ANXA6: variants seen among roughly 807,000 people sequenced by gnomAD.
ANXA6 encodes 67 kDa calelectrin.
A neutral mutation model predicts 95.4 loss-of-function variants in ANXA6; 71 were observed. That is an observed-to-expected ratio of 0.74 (90% CI 0.61 to 0.91). ANXA6 has a LOEUF of 0.91. ANXA6 is among the 40% of genes least tolerant of loss of function. The pLI is 0.00. For synonymous variants in ANXA6, 289 were observed against 315.9 expected (o/e 0.91, Z 0.90); for missense variants, 830 against 876.4 (o/e 0.95, Z 0.67).
intron 1 of ANXA6, among the ~76,000 whole-genome samples, chr5:151,150,291 G>A (rs569944318): frequency 2.4e-4 from 36 of 152,224 alleles, no homozygotes; most frequent in Admixed American, 2.1e-3. Context: ...CCATGTGACC[G>A]TGGGCTTATT....
rs578098716 is a variant in ANXA6, at chr5:151,117,154, G to C, written c.1545C>G (p.Asn515Lys). ...ATGHREEGGE[N>K]LDQAREDAQV... Reference sequence around the variant, plus strand: ...GGGCATCTTCCCGTGCCTGGTCCAGGTTTTCTCCTCCCTCCTCACGATGCC... The same window carrying C: ...GGGCATCTTCCCGTGCCTGGTCCAGCTTTTCTCCTCCCTCCTCACGATGCC... The change falls in exon 20 of 26, where the codon AAC (asparagine) becomes AAG (lysine). Residue 515 changes from asparagine to lysine, a missense_variant. Asn to Lys is a moderately conservative substitution (Grantham distance 94, BLOSUM62 0). Transcript: ENST00000354546. 20 of 1,594,626 alleles carry C rather than the reference G, an allele frequency of 1.3e-5. No homozygotes were observed. The African/African-American group carries it at 2.4e-4, about 19-fold the overall frequency.
Position 151,122,263 on chromosome 5 carries a change from G to C in ANXA6, c.1234-3C>G. On this transcript the variant is annotated splice_polypyrimidine_tract_variant and splice_region_variant and intron_variant, in intron 16 of 25. Transcript: ENST00000354546. ...GACTTCAGGTCAGTCATTAAGTCCT[G>C]CAAAGGGCAGAGCCACAGTCATGCC... is the stretch of plus-strand genomic sequence containing the variant. 4.4e-6 allele frequency: 7 copies of C among 1,581,642 alleles called. No individual in the cohort carries two copies. The highest frequency in any genetic ancestry group is 6.0e-6 in the Non-Finnish European group (7 of 1,157,508).
At chr5:151,142,617 AATC>A (rs1765867325) in intron 2 of ANXA6, among the ~76,000 whole-genome samples, 1 of 152,218 alleles carries the variant, frequency 6.6e-6, no homozygotes, top group South Asian at 2.1e-4. Flanking sequence ...GAATAAGACA[AATC>A]ATTCTGCCTA....
chr5:151,134,395 T>C, intron 8 of ANXA6, 32 bp downstream of exon 8: 1 of 1,612,158 alleles, frequency 6.2e-7, no homozygotes, highest in Non-Finnish European at 8.5e-7. Flanking sequence ...TCTTCTGCTG[T>C]GCCTCAGGGA....
chr5:151,129,055 G>A (rs926701240), intron 12 of ANXA6, among the ~76,000 whole-genome samples: 12 of 152,186 alleles, frequency 7.9e-5, no homozygotes, highest in Admixed American at 5.9e-4. Context: ...CCAGGCCAAA[G>A]GTTCCCCTTT....
intron 20 of ANXA6, among the ~76,000 whole-genome samples, chr5:151,111,110 C>T (rs1452944759): frequency 1.3e-5 from 2 of 152,178 alleles, no homozygotes; most frequent in African/African-American, 4.8e-5. Flanking sequence ...GTAATTTTAG[C>T]CTTCATGTTA....
intron 7 of ANXA6, 54 bp from the exon 8 acceptor site, chr5:151,134,537 G>A: frequency 6.3e-7 from 1 of 1,589,066 alleles, no homozygotes; most frequent in Non-Finnish European, 8.6e-7. Context: ...TCAGGAGGGA[G>A]GCCTGGATGC....
Position 151,144,272 on chromosome 5 carries a change from C to A in ANXA6, c.18+3612G>T, listed in dbSNP as rs377742722. On this transcript the variant is annotated intron_variant, in intron 2 of 25. Coordinates refer to ENST00000354546, the MANE Select transcript of ANXA6 (RefSeq NM_001155.5). ...TCTGGCATTCTTTACTACGTTGAGC[C>A]ATGTAACTTGCCTTGTATGTAGATT... Among the ~76,000 whole-genome samples the A allele has an allele frequency of 3.5e-4, 54 of 152,290 alleles. No homozygotes were observed. The East Asian group carries it at 0.01, about 29-fold the overall frequency.
intron 2 of ANXA6, among the ~76,000 whole-genome samples, chr5:151,141,286 C>T (rs1765829255): frequency 6.6e-6 from 1 of 152,152 alleles, no homozygotes; most frequent in Non-Finnish European, 1.5e-5. Context: ...CAAGGCACTT[C>T]ATTTGTGCTA....
At chr5:151,138,561 G>C (rs1008357704) in intron 5 of ANXA6, 117 bp downstream of exon 5, 2 of 685,844 alleles carry the variant, frequency 2.9e-6, no homozygotes, top group Non-Finnish European at 5.2e-6. Context: ...ATGTGTCTTT[G>C]AAGCAGGACA....
At chr5:151,146,574 G>T (rs1765981152) in intron 2 of ANXA6, among the ~76,000 whole-genome samples, 1 of 152,170 alleles carries the variant, frequency 6.6e-6, no homozygotes, top group Non-Finnish European at 1.5e-5. Context: ...TCCGTAAGGG[G>T]AACATGAGGC....
In ANXA6 at chr5:151,100,766, G is replaced by A. The variant is rs937479971; in HGVS notation, c.*682C>T. ...TCCTTAGAAATAAAAAGTGTCAAGGGAATGAATCGGAGGCATACTTTAGGA... is the reference window on the plus strand; with the variant it reads ...TCCTTAGAAATAAAAAGTGTCAAGGAAATGAATCGGAGGCATACTTTAGGA... On this transcript the variant is annotated 3_prime_UTR_variant, in exon 26 of 26. Coordinates refer to ENST00000354546, the MANE Select transcript of ANXA6 (RefSeq NM_001155.5). 5 of 415,718 alleles carry A rather than the reference G, an allele frequency of 1.2e-5. No individual in the cohort carries two copies. The highest frequency in any genetic ancestry group is 1.0e-4 in the African/African-American group (5 of 48,276). 25.8% of individuals were successfully genotyped at this position (415,718 alleles called of 1,614,324 possible).
intron 24 of ANXA6, 138 bp downstream of exon 24, chr5:151,105,107 G>T: frequency 1.2e-6 from 1 of 827,534 alleles, no homozygotes. Context: ...AGCCAGACAA[G>T]GGCAGATGCT....
At chr5:151,111,564 T>C (rs1003890368) in intron 20 of ANXA6, among the ~76,000 whole-genome samples, 1 of 152,196 alleles carries the variant, frequency 6.6e-6, no homozygotes, top group African/African-American at 2.4e-5. Flanking sequence ...CCTTCCACGA[T>C]AGAATACAAG....
chr5:151,122,375 G>A, intron 16 of ANXA6, 115 bp from the exon 17 acceptor site: 1 of 649,462 alleles, frequency 1.5e-6, no homozygotes. Context: ...ATGGAAGCTT[G>A]TGTCTGTCTT....
At chr5:151,102,699 G>T (rs544127179) in intron 25 of ANXA6, among the ~76,000 whole-genome samples, 1 of 152,090 alleles carries the variant, frequency 6.6e-6, no homozygotes. Flanking sequence ...GCAAGACTCC[G>T]TCTCAAAAAC....
chr5:151,108,649 T>C (rs1290624720), intron 22 of ANXA6, 99 bp from the exon 23 acceptor site: 10 of 1,020,516 alleles, frequency 9.8e-6, no homozygotes, highest in Middle Eastern at 5.2e-4. Flanking sequence ...AGGCTGTGCC[T>C]GAGAAAGTGG....
At chr5:151,112,308 A>T (rs1436768123) in intron 20 of ANXA6, among the ~76,000 whole-genome samples, 2 of 152,230 alleles carry the variant, frequency 1.3e-5, no homozygotes, top group East Asian at 3.8e-4. Flanking sequence ...GATTCAAAAA[A>T]AAATAGACAC....
At chr5:151,103,010 T>C (rs1418462387) in intron 25 of ANXA6, among the ~76,000 whole-genome samples, 1 of 152,148 alleles carries the variant, frequency 6.6e-6, no homozygotes, top group Non-Finnish European at 1.5e-5. Flanking sequence ...TGTTTGTCTG[T>C]TTTTGAGATG....
Sources: gnomAD v4.1 joint callset for allele counts (sites outside exome capture counted in the v4.1 genomes callset) on GRCh38, gnomAD v4.1.1 for gene constraint, MANE v1.5 for transcripts, NCBI Gene and HGNC (gene_info 2026-07-23, HGNC 2026-07-21) for gene names.